ADCK5: variants seen among roughly 807,000 people sequenced by gnomAD.
ADCK5 encodes the protein aarF domain containing kinase 5, also known as uncharacterized aarF domain-containing protein kinase 5.
ADCK5 carries 43 observed loss-of-function variants against 64.9 expected under a neutral mutation model. The ratio of observed to expected loss-of-function variants is 0.66; its 90% CI spans 0.52 to 0.85. The LOEUF (loss-of-function observed/expected upper bound fraction) is 0.85. Among genes scored for constraint, ADCK5 ranks in the 40% least tolerant of loss-of-function variants. ADCK5 has a pLI of 0.00. For missense variants in ADCK5, 760 were observed against 810.5 expected (o/e 0.94, Z 0.76); for synonymous variants, 434 against 342.8 (o/e 1.27, Z -2.94).
chr8:144,375,904 C>G (rs955087082), intron 1 of ADCK5, among the ~76,000 whole-genome samples: 3 of 152,198 alleles, frequency 2.0e-5, no homozygotes. Flanking sequence ...GTCTAAAAGA[C>G]GGCTTATCTT....
At position 144,374,058 on chromosome 8, in the gene ADCK5, C is replaced by T; in HGVS notation, c.-38C>T. 2 of 1,245,354 alleles carry T rather than the reference C, an allele frequency of 1.6e-6. No individual in the cohort carries two copies. The highest frequency in any genetic ancestry group is 2.0e-6 in the Non-Finnish European group (2 of 988,286). 77.1% of individuals were successfully genotyped at this position (1,245,354 alleles called of 1,614,324 possible). On this transcript the variant is annotated 5_prime_UTR_variant, in exon 1 of 15. Transcript: ENST00000308860. Reference sequence around the variant, plus strand: ...GCCTGCTGGGCTGCGAGACGCTAAGCGGCGCCGGGCGGGAGAAGAGCGGAG... The same window carrying T: ...GCCTGCTGGGCTGCGAGACGCTAAGTGGCGCCGGGCGGGAGAAGAGCGGAG...
intron 3 of ADCK5, among the ~76,000 whole-genome samples, chr8:144,387,727 A>G (rs1353953390): frequency 1.4e-5 from 2 of 141,776 alleles, no homozygotes; most frequent in Admixed American, 1.4e-4. Context: ...TTTAGCACTC[A>G]TTGATACTTT....
At position 144,391,494 on chromosome 8, in the gene ADCK5, C is replaced by A; in HGVS notation, c.798+20C>A. ...CTCCAGGTACAGCCCCACCCCTTCC[C>A]CGGCCAGCAGGAGCAAACACGTAGG... On this transcript the variant is annotated intron_variant, in intron 7 of 14. Coordinates refer to ENST00000308860, the MANE Select transcript of ADCK5 (RefSeq NM_174922.5). The A allele has an allele frequency of 6.2e-7, 1 of 1,602,082 alleles. No homozygotes were observed. The highest frequency in any genetic ancestry group is 2.2e-5 in the East Asian group (1 of 44,516).
chr8:144,388,811 A>G (rs2130721506), intron 3 of ADCK5, among the ~76,000 whole-genome samples: 1 of 151,562 alleles, frequency 6.6e-6, no homozygotes, highest in East Asian at 1.9e-4. Flanking sequence ...CCAAGCACGC[A>G]CTCCAGATGC....
chr8:144,392,894 T>C lies in ADCK5; in HGVS notation c.1637+2T>C. On this transcript the variant is annotated splice_donor_variant, in intron 14 of 14. Transcript: ENST00000308860. LOFTEE classifies it high-confidence loss of function. ...GCTCAAGTTTGAAGTGGCGCTCAGG[T>C]GAGTGGCCGCGGGGCAGGTGGGTGG... is the stretch of plus-strand genomic sequence containing the variant. 6.2e-7 allele frequency: 1 copy of C among 1,600,932 alleles called. No homozygotes were observed. The highest frequency in any genetic ancestry group is 8.5e-7 in the Non-Finnish European group (1 of 1,176,440).
intron 2 of ADCK5, among the ~76,000 whole-genome samples, chr8:144,382,766 C>G (rs1819734517): frequency 6.6e-6 from 1 of 152,220 alleles, no homozygotes; most frequent in African/African-American, 2.4e-5. Flanking sequence ...CCGTGAGGAG[C>G]ACAGACCTGC....
Position 144,386,334 on chromosome 8 carries a change from A to T in ADCK5, c.266+3104A>T, listed in dbSNP as rs925447930. ...AACTAAATTTAACTTTTTTTTTAAA[A>T]TTTTTTAATTTTTTATTTAACTTAT... On this transcript the variant is annotated intron_variant, in intron 3 of 14. Transcript: ENST00000308860. 1.2e-4 allele frequency among the ~76,000 whole-genome samples: 18 copies of T among 150,378 alleles called. No homozygotes were observed. In the South Asian group the frequency reaches 1.5e-3, roughly 12 times the overall value.
At position 144,392,438 on chromosome 8, in the gene ADCK5, TCCCC is replaced by T. The variant is rs782195519; in HGVS notation, c.1268-6_1268-3del. The T allele has an allele frequency of 3.5e-5, 7 of 201,752 alleles. No individual in the cohort carries two copies. The highest frequency in any genetic ancestry group is 2.3e-4 in the South Asian group (6 of 26,158). 12.5% of individuals were successfully genotyped at this position (201,752 alleles called of 1,614,324 possible). On this transcript the variant is annotated splice_region_variant and splice_polypyrimidine_tract_variant and intron_variant, in intron 12 of 14. Coordinates refer to ENST00000308860, the MANE Select transcript of ADCK5 (RefSeq NM_174922.5). ...CCCCCTCCCTCCCTCCCTCCCTCCC[TCCCC>T]AGACTACCTCCTGTTCGCCGAGATG...
rs779225941 is a variant in ADCK5, at chr8:144,374,082, A to T, written c.-14A>T. 94 of 1,247,608 alleles carry T rather than the reference A, an allele frequency of 7.5e-5. No individual in the cohort carries two copies. In the East Asian group the frequency reaches 2.6e-3, roughly 35 times the overall value. 77.3% of individuals were successfully genotyped at this position (1,247,608 alleles called of 1,614,324 possible). ...GCGGCGCCGGGCGGGAGAAGAGCGGAGCAGTGGTCGGAGATGTGGCGACCG... is the reference window on the plus strand; with the variant it reads ...GCGGCGCCGGGCGGGAGAAGAGCGGTGCAGTGGTCGGAGATGTGGCGACCG... On this transcript the variant is annotated 5_prime_UTR_variant, in exon 1 of 15. Coordinates refer to ENST00000308860, the MANE Select transcript of ADCK5 (RefSeq NM_174922.5).
chr8:144,374,934 C>G (rs1819306155), intron 1 of ADCK5, among the ~76,000 whole-genome samples: 1 of 152,244 alleles, frequency 6.6e-6, no homozygotes, highest in South Asian at 2.1e-4. Flanking sequence ...TACCCACCCC[C>G]TTCCAGAAGA....
intron 12 of ADCK5, 29 bp from the exon 13 acceptor site, chr8:144,392,416 C>CCGA: frequency 7.5e-7 from 1 of 1,333,416 alleles, no homozygotes; most frequent in Non-Finnish European, 9.8e-7. Context: ...CTCAGAGCCC[C>CCGA]CTCCCTCCCT....
intron 3 of ADCK5, among the ~76,000 whole-genome samples, chr8:144,387,816 C>G (rs957204262): frequency 6.6e-6 from 1 of 151,744 alleles, no homozygotes; most frequent in Non-Finnish European, 1.5e-5. Context: ...ACTGCAACCT[C>G]CACCTCCTGG....
At chr8:144,392,413 C>A (rs1453928423) in intron 12 of ADCK5, 32 bp from the exon 13 acceptor site, 1 of 1,457,978 alleles carries the variant, frequency 6.9e-7, no homozygotes. Context: ...CCACTCAGAG[C>A]CCCCTCCCTC....
At chr8:144,385,182 T>C (rs1819856273) in intron 3 of ADCK5, among the ~76,000 whole-genome samples, 1 of 151,418 alleles carries the variant, frequency 6.6e-6, no homozygotes, top group Admixed American at 6.6e-5. Context: ...ACTCCTTACA[T>C]TTTCTTTTTT....
rs1331849046 is a variant in ADCK5, at chr8:144,374,050, A to G, written c.-46A>G. 2 of 1,244,542 alleles carry G rather than the reference A, an allele frequency of 1.6e-6. No homozygotes were observed. Among genetic ancestry groups the G allele is most frequent in the Non-Finnish European group, 2.0e-6 (2 of 988,116 alleles). The allele number at this position is 1,244,542 out of a possible 1,614,324, so 77.1% of individuals were successfully genotyped here. A position where few individuals can be genotyped will look rare whatever the true frequency, so the allele number is the denominator to read the frequency against. The stretch of plus-strand genomic sequence containing the variant: ...CCCGCAGGGCCTGCTGGGCTGCGAG[A>G]CGCTAAGCGGCGCCGGGCGGGAGAA... On this transcript the variant is annotated 5_prime_UTR_variant, in exon 1 of 15. Transcript: ENST00000308860.
chr8:144,390,929 T>C lies in ADCK5; in HGVS notation c.416T>C (p.Ile139Thr), dbSNP rs1216971850. The C allele has an allele frequency of 6.2e-7, 1 of 1,612,902 alleles. No homozygotes were observed. Among genetic ancestry groups the C allele is most frequent in the Non-Finnish European group, 8.5e-7 (1 of 1,179,946 alleles). ...GCTGATGCCCTGGTGGCAGGGGCCA[T>C]CAGCAACGGGGGCCTCTACGTGAAG... Reference protein sequence around the residue: ...RAADALVAGAISNGGLYVKLG... With the variant: ...RAADALVAGATSNGGLYVKLG... The change falls in exon 5 of 15, where the codon ATC (isoleucine) becomes ACC (threonine). Residue 139 changes from isoleucine (I) to threonine (T), a missense_variant. Coordinates refer to ENST00000308860, the MANE Select transcript of ADCK5 (RefSeq NM_174922.5).
rs1554861725 is a variant in ADCK5 at position 144,393,071 on chromosome 8, C to G, written c.1740C>G (p.Thr580=). 1 of 1,573,210 alleles carries G rather than the reference C, an allele frequency of 6.4e-7. No homozygotes were observed. Among genetic ancestry groups the G allele is most frequent in the Middle Eastern group, 1.7e-4 (1 of 5,898 alleles). ...AGGAGCTCTACCAGTACCTGGAGAC[C>G]TAGGGTGCAGCCGCCCAGGGCCGGC... ...PAEELYQYLE[T] is the part of the protein sequence containing the mutation. Residue 580 remains threonine (T), a synonymous_variant, in exon 15 of 15, where the codon ACC becomes ACG. Coordinates refer to ENST00000308860, the MANE Select transcript of ADCK5 (RefSeq NM_174922.5).
rs1262522367 is a variant in ADCK5 at position 144,384,525 on chromosome 8, T to C, written c.266+1295T>C. 6.6e-6 allele frequency among the ~76,000 whole-genome samples: 1 copy of C among 152,190 alleles called. No individual in the cohort carries two copies. The highest frequency in any genetic ancestry group is 1.5e-5 in the Non-Finnish European group (1 of 68,032). On this transcript the variant is annotated intron_variant, in intron 3 of 14. Transcript: ENST00000308860. This position sits in a 1 kb window ranked among gnomAD's most constrained non-coding sequence, Gnocchi z 5.7. ...CCCTGCCTGCAGATTTTGGGTGGCA[T>C]TGTCTGTCTTGCAGGGCCATCCAGT...
In ADCK5 at chr8:144,392,072, C is replaced by T; in HGVS notation, c.1097-20C>T. ...GGTCTCAGGGTGGGCGCAGCGCGAC[C>T]TAAGAGGCTGTATCCCTAGTTCTGG... is the stretch of plus-strand genomic sequence containing the variant. On this transcript the variant is annotated intron_variant, in intron 10 of 14. Coordinates refer to ENST00000308860, the MANE Select transcript of ADCK5 (RefSeq NM_174922.5). 1 of 1,612,208 alleles carries T rather than the reference C, an allele frequency of 6.2e-7. No homozygotes were observed. Among genetic ancestry groups the T allele is most frequent in the Non-Finnish European group, 8.5e-7 (1 of 1,179,848 alleles).
Sources: gnomAD v4.1 joint callset for allele counts (sites outside exome capture counted in the v4.1 genomes callset) on GRCh38, gnomAD v4.1.1 for gene constraint, Gnocchi (gnomAD v3.1) non-coding constraint, MANE v1.5 for transcripts, NCBI Gene and HGNC (gene_info 2026-07-23, HGNC 2026-07-21) for gene names.